PDE10A: variants seen among roughly 807,000 people sequenced by gnomAD.
PDE10A encodes the protein cAMP and cAMP-inhibited cGMP 3',5'-cyclic phosphodiesterase 10A.
Under a neutral mutation model 97.7 loss-of-function variants are expected in PDE10A, and 39 were observed. The ratio of observed to expected loss-of-function variants is 0.40; its 90% CI spans 0.31 to 0.52. The LOEUF is 0.52. PDE10A is among the 20% of genes least tolerant of loss of function. The pLI is 0.56. For synonymous variants in PDE10A, 371 were observed against 376.8 expected, an observed-to-expected ratio of 0.98 and a Z score of 0.18; for missense variants, 731 against 1,047.8, an observed-to-expected ratio of 0.70 and a Z score of 4.17.
At chr6:165,687,482 TTAAC>T (rs2128440882) in intron 1 of PDE10A, among the ~76,000 whole-genome samples, 1 of 152,312 alleles carries the variant, frequency 6.6e-6, no homozygotes, top group African/African-American at 2.4e-5. Context: ...GAGACAGACT[TTAAC>T]TATTGTTTAA....
In PDE10A at chr6:165,789,488, GAA is replaced by G. The variant is rs544124717; in HGVS notation, c.-615+198039_-615+198040del. ...GTTCCTGGGGGCCTGAATGTACAAT[GAA>G]AAAGTTTATATTATTTTATATATTA... On this transcript the variant is annotated intron_variant, in intron 1 of 19. Transcript: ENST00000366882. 2.6e-5 allele frequency among the ~76,000 whole-genome samples: 4 copies of G among 152,208 alleles called. No homozygotes were observed. In the South Asian group the frequency reaches 8.3e-4, roughly 32 times the overall value.
intron 1 of PDE10A, among the ~76,000 whole-genome samples, chr6:165,634,669 G>A (rs1286974686): frequency 3.9e-5 from 6 of 152,178 alleles, no homozygotes; most frequent in East Asian, 1.9e-4. Context: ...CACAGGCTAC[G>A]GAGAAGCCAT....
intron 1 of PDE10A, among the ~76,000 whole-genome samples, chr6:165,747,077 A>G (rs912849348): frequency 6.6e-6 from 1 of 152,226 alleles, no homozygotes; most frequent in Non-Finnish European, 1.5e-5. Context: ...ATCTTAGTTC[A>G]ATAAAACTTG....
At chr6:165,516,178 T>C (rs1781795048) in intron 2 of PDE10A, among the ~76,000 whole-genome samples, 2 of 152,186 alleles carry the variant, frequency 1.3e-5, no homozygotes, top group Admixed American at 1.3e-4. Flanking sequence ...GTCAAGGCCA[T>C]AGCTCCAGCA....
chr6:165,355,661 G>T (rs1363006499), intron 18 of PDE10A, among the ~76,000 whole-genome samples: 1 of 152,136 alleles, frequency 6.6e-6, no homozygotes, highest in Non-Finnish European at 1.5e-5. Flanking sequence ...TGCTATGAAT[G>T]TGTGTCCTAG....
intron 18 of PDE10A, among the ~76,000 whole-genome samples, chr6:165,347,683 T>C (rs1782407420): frequency 6.6e-6 from 1 of 152,168 alleles, no homozygotes; most frequent in Admixed American, 6.5e-5. Context: ...ATTAGTGATC[T>C]TGCTTTAGAA....
chr6:165,913,823 C>T lies in PDE10A; in HGVS notation c.-615+73706G>A, dbSNP rs575824389. Among the ~76,000 whole-genome samples the T allele has an allele frequency of 2.6e-4, 39 of 152,206 alleles. 1 individual carries two copies. Among genetic ancestry groups the T allele is most frequent in the Non-Finnish European group, 5.3e-4 (36 of 68,040 alleles). ...CATGTGCATAAACCAGTCATCAGTG[C>T]TGCAAGGTCAAGGTCACACATGTGT... On this transcript the variant is annotated intron_variant, in intron 1 of 19. Coordinates refer to the PDE10A transcript ENST00000366882.
At chr6:165,949,680 T>C (rs926395064) in intron 1 of PDE10A, 18 of 152,178 alleles carry the variant, frequency 1.2e-4, no homozygotes, top group Non-Finnish European at 1.5e-5. Context: ...ATGATACACA[T>C]GTTATGCATT....
chr6:165,879,923 CGG>C (rs60091899), intron 1 of PDE10A, among the ~76,000 whole-genome samples: 3 of 150,608 alleles, frequency 2.0e-5, no homozygotes, highest in African/African-American at 7.4e-5. Flanking sequence ...TATGAATTCT[CGG>C]GGGGGGACAC....
chr6:165,545,565 CG>C (rs1783698261), intron 1 of PDE10A, among the ~76,000 whole-genome samples: 1 of 151,956 alleles, frequency 6.6e-6, no homozygotes, highest in Admixed American at 6.6e-5. Flanking sequence ...AAAAAACACT[CG>C]TTAAACTCAA....
At chr6:165,730,040 T>C (rs1400911205) in intron 1 of PDE10A, among the ~76,000 whole-genome samples, 1 of 152,136 alleles carries the variant, frequency 6.6e-6, no homozygotes, top group East Asian at 1.9e-4. Context: ...ATCTTGGAGA[T>C]ATATACGTAT....
In PDE10A at chr6:165,475,323, T is replaced by C. The variant is rs1278712490; in HGVS notation, c.1023+6992A>G. ...AATGCATTAACAGAAATTTTATAAATATGAAGAAAACACTGGCTACACCAG... is the reference window on the plus strand; with the variant it reads ...AATGCATTAACAGAAATTTTATAAACATGAAGAAAACACTGGCTACACCAG... On this transcript the variant is annotated intron_variant, in intron 3 of 21. Transcript: ENST00000539869. 2.0e-5 allele frequency among the ~76,000 whole-genome samples: 3 copies of C among 151,964 alleles called. 1 individual carries two copies. Among genetic ancestry groups the C allele is most frequent in the African/African-American group, 7.3e-5 (3 of 41,350 alleles).
In PDE10A at chr6:165,661,230, C is replaced by T. The variant is rs939619187; in HGVS notation, c.865+717G>A. The T allele has an allele frequency of 6.5e-6, 1 of 152,718 alleles. No individual in the cohort carries two copies. The highest frequency in any genetic ancestry group is 1.5e-5 in the Non-Finnish European group (1 of 68,480). The allele number at this position is 152,718 out of a possible 1,614,324, so 9.5% of individuals were successfully genotyped here. ...GAGTCGGAGGCGGCGGCGCCTTTCT[C>T]TTCCACCCTAGCGACCTATTGTCCT... On this transcript the variant is annotated intron_variant, in intron 1 of 21. Transcript: ENST00000539869. The surrounding 1 kb of genome is among the most constrained non-coding windows in gnomAD (Gnocchi z 4.8).
At chr6:165,368,223 C>T (rs934486538) in intron 18 of PDE10A, among the ~76,000 whole-genome samples, 8 of 152,096 alleles carry the variant, frequency 5.3e-5, no homozygotes, top group African/African-American at 1.9e-4. Flanking sequence ...CTTGAACTCC[C>T]GGCCTCAAGT....
chr6:165,543,912 T>C (rs927186590), intron 1 of PDE10A, among the ~76,000 whole-genome samples: 5 of 152,216 alleles, frequency 3.3e-5, no homozygotes, highest in Admixed American at 6.5e-5. Flanking sequence ...TAAAAAAGAA[T>C]GCAGTTAGTT....
chr6:165,574,118 CT>C (rs1266471413), intron 1 of PDE10A, among the ~76,000 whole-genome samples: 2 of 152,110 alleles, frequency 1.3e-5, no homozygotes, highest in Non-Finnish European at 2.9e-5. Context: ...TAATAAAAGC[CT>C]CTGCCTTCAA....
In PDE10A at chr6:165,336,172, T is replaced by TTG. The variant is rs1262281626; in HGVS notation, c.3014_3015dup (p.Thr1006GlnfsTer14). On this transcript the variant is annotated frameshift_variant, in exon 21 of 22. Transcript: ENST00000539869. LOFTEE classifies it high-confidence loss of function. ...GTGGGAGGGAGGATCTGGGTAAGGGTTGTATAGCAGGGAATGGCCACGGCA... is the reference window on the plus strand; with the variant it reads ...GTGGGAGGGAGGATCTGGGTAAGGGTTGTGTATAGCAGGGAATGGCCACGGCA... 6.2e-7 allele frequency: 1 copy of TTG among 1,613,718 alleles called. No individual in the cohort carries two copies. The highest frequency in any genetic ancestry group is 8.5e-7 in the Non-Finnish European group (1 of 1,179,940).
chr6:165,522,383 T>G (rs1348826641), intron 2 of PDE10A, among the ~76,000 whole-genome samples: 1 of 152,152 alleles, frequency 6.6e-6, no homozygotes, highest in Non-Finnish European at 1.5e-5. Context: ...CTGATGAACA[T>G]AGATGGAAAA....
At chr6:165,894,627 G>C (rs1291211661) in intron 1 of PDE10A, 1 of 434,332 alleles carries the variant, frequency 2.3e-6, no homozygotes, top group Non-Finnish European at 4.7e-6. Flanking sequence ...ACATGAAGAA[G>C]ATAAGCAGTC....
Sources: allele counts gnomAD v4.1 joint callset (sites outside exome capture counted in the v4.1 genomes callset), GRCh38; gene constraint gnomAD v4.1.1; non-coding constraint Gnocchi (gnomAD v3.1); transcripts MANE v1.5; gene names NCBI Gene and HGNC (gene_info 2026-07-23, HGNC 2026-07-21).